ARHGAP11B: variants seen among roughly 807,000 people sequenced by gnomAD.
ARHGAP11B encodes inactive Rho GTPase-activating protein 11B.
A neutral mutation model predicts 27.6 loss-of-function variants in ARHGAP11B; 14 were observed. The observed-to-expected ratio is 0.51, with a 90% confidence interval of 0.34 to 0.79. The LOEUF (loss-of-function observed/expected upper bound fraction) is 0.79. Among genes scored for constraint, ARHGAP11B ranks in the 30% least tolerant of loss-of-function variants. The pLI is 0.02. For synonymous variants in ARHGAP11B, 82 were observed against 114.1 expected (o/e 0.72, Z 1.80); for missense variants, 245 against 320.1 (o/e 0.77, Z 1.79).
intron 7 of ARHGAP11B, chr15:30,644,565 G>C: frequency 1.2e-6 from 1 of 855,134 alleles, no homozygotes. Flanking sequence ...TTTATTATCT[G>C]ATATAAGGGA....
rs771494259 is a variant in ARHGAP11B, at chr15:30,626,774, G to C, written c.-47G>C. 16 of 1,573,904 alleles carry C rather than the reference G, an allele frequency of 1.0e-5. 1 individual carries two copies. In the South Asian group the frequency reaches 1.8e-4, roughly 18 times the overall value. The stretch of plus-strand genomic sequence containing the variant: ...GAAATTGGAAGACTTGGTGGCGAAC[G>C]AGGGTCAGGACCTGCATCCTGCCTC... On this transcript the variant is annotated 5_prime_UTR_variant, in exon 1 of 11. Coordinates refer to ENST00000428041, the Ensembl canonical transcript of ARHGAP11B.
intron 4 of ARHGAP11B, 37 bp downstream of exon 4, chr15:30,634,460 G>C (rs2060266292): frequency 2.5e-6 from 4 of 1,582,624 alleles, no homozygotes; most frequent in Middle Eastern, 3.4e-4. Context: ...AATAATAGTT[G>C]AATTTTTCAA....
At chr15:30,633,501 A>G in exon 3 of ARHGAP11B, 1 of 1,609,844 alleles carries the variant, frequency 6.2e-7, no homozygotes, top group African/African-American at 1.3e-5. Flanking sequence ...TTTCTTGTCG[A>G]TGCTTGCACA....
intron 6 of ARHGAP11B, among the ~76,000 whole-genome samples, chr15:30,638,537 T>C (rs2060295690): frequency 1.3e-5 from 2 of 151,920 alleles, no homozygotes; most frequent in African/African-American, 4.8e-5. Flanking sequence ...GTCTTTTTTA[T>C]TTTAGGGATA....
chr15:30,642,329 A>G (rs1177907106), intron 7 of ARHGAP11B, among the ~76,000 whole-genome samples: 2 of 152,014 alleles, frequency 1.3e-5, no homozygotes, highest in Non-Finnish European at 2.9e-5. Flanking sequence ...ATTGTTTACT[A>G]TAGTTGATTT....
At chr15:30,644,994 A>C (rs1454104062) in intron 8 of ARHGAP11B, among the ~76,000 whole-genome samples, 2 of 151,874 alleles carry the variant, frequency 1.3e-5, no homozygotes, top group African/African-American at 4.8e-5. Context: ...TTCCGTTCAT[A>C]GAGCTGGTTG....
At position 30,630,731 on chromosome 15, in the gene ARHGAP11B, C is replaced by T. The variant is rs1385571165; in HGVS notation, c.158C>T (p.Ala53Val). 4 of 1,611,250 alleles carry T rather than the reference C, an allele frequency of 2.5e-6. No individual in the cohort carries two copies. The highest frequency in any genetic ancestry group is 1.3e-5 in the African/African-American group (1 of 74,658). ...AAAATATTTGGAGTACCTTTTAATG[C>T]ACTGCCCCATTCTGCTGTACCAGAA... Residue 53 changes from alanine to valine, a missense_variant, in exon 2 of 11, where the codon GCA becomes GTA. Ala to Val is a moderately conservative substitution (Grantham distance 64). Around this residue, in one of 3 missense-constraint regions of ARHGAP11B, gnomAD observed 107 missense variants for 121.9 expected, o/e 0.88. Coordinates refer to ENST00000428041, the Ensembl canonical transcript of ARHGAP11B.
At chr15:30,639,678 A>T (rs189693636) in intron 7 of ARHGAP11B, among the ~76,000 whole-genome samples, 1 of 152,158 alleles carries the variant, frequency 6.6e-6, no homozygotes, top group African/African-American at 2.4e-5. Flanking sequence ...TTGCCATGCC[A>T]GTAGATTCTT....
At chr15:30,645,505 C>T (rs1386582720) in intron 8 of ARHGAP11B, among the ~76,000 whole-genome samples, 1 of 151,866 alleles carries the variant, frequency 6.6e-6, no homozygotes, top group Admixed American at 6.6e-5. Context: ...GAATTATTAC[C>T]TGGAAATACT....
intron 8 of ARHGAP11B, chr15:30,644,841 G>C: frequency 7.3e-6 from 6 of 816,932 alleles, no homozygotes; most frequent in Non-Finnish European, 1.2e-5. Flanking sequence ...TCTTGGGTCA[G>C]TGTTATGTGA....
chr15:30,634,064 G>A, intron 3 of ARHGAP11B, 106 bp from the exon 4 acceptor site: 2 of 1,275,946 alleles, frequency 1.6e-6, no homozygotes, highest in East Asian at 2.5e-5. Context: ...TAAGAGTTAA[G>A]AGAAATTTAT....
At chr15:30,632,661 T>A (rs1468004336) in intron 2 of ARHGAP11B, among the ~76,000 whole-genome samples, 1 of 151,016 alleles carries the variant, frequency 6.6e-6, no homozygotes, top group East Asian at 2.0e-4. Context: ...GTTCAATATC[T>A]AGGTATCTAA....
intron 6 of ARHGAP11B, among the ~76,000 whole-genome samples, chr15:30,637,689 G>A (rs991264582): frequency 4.0e-5 from 6 of 151,858 alleles, no homozygotes; most frequent in South Asian, 4.1e-4. Flanking sequence ...GGCTGAGATC[G>A]GGCCACTGCA....
Position 30,638,663 on chromosome 15 carries a change from A to G in ARHGAP11B, c.*4-83A>G, listed in dbSNP as rs1056453103. ...AAGCCGATGTAAAGTTACATGTTGA[A>G]AGAAGACCGCAAATATTAATATGAA... On this transcript the variant is annotated intron_variant, in intron 6 of 10. Coordinates refer to ENST00000428041, the Ensembl canonical transcript of ARHGAP11B. 1.1e-5 allele frequency: 9 copies of G among 831,880 alleles called. No homozygotes were observed. The African/African-American group carries it at 1.4e-4, about 13-fold the overall frequency. The allele number at this position is 831,880 out of a possible 1,614,324, so 51.5% of individuals were successfully genotyped here.
chr15:30,645,102 A>T (rs1368532342), intron 8 of ARHGAP11B, among the ~76,000 whole-genome samples: 1 of 151,782 alleles, frequency 6.6e-6, no homozygotes, highest in Non-Finnish European at 1.5e-5. Flanking sequence ...TGAGAACGGG[A>T]CTAGGTGGTT....
chr15:30,632,865 GA>G (rs1160235635), intron 2 of ARHGAP11B, among the ~76,000 whole-genome samples: 2 of 152,008 alleles, frequency 1.3e-5, no homozygotes, highest in African/African-American at 4.8e-5. Context: ...AGAGATAGTA[GA>G]TAAAAGAAGG....
Position 30,635,509 on chromosome 15 carries a change from G to A in ARHGAP11B, c.683G>A (p.Trp228Ter), listed in dbSNP as rs1208543053. 6.2e-7 allele frequency: 1 copy of A among 1,613,362 alleles called. No individual in the cohort carries two copies. The highest frequency in any genetic ancestry group is 8.5e-7 in the Non-Finnish European group (1 of 1,179,594). The change falls in exon 6 of 11, where the codon TGG (tryptophan) becomes TAG (stop). Residue 228 changes from tryptophan to a stop codon, truncating the protein, a stop_gained. Coordinates refer to ENST00000428041, the Ensembl canonical transcript of ARHGAP11B. LOFTEE classifies it high-confidence loss of function. ...TAGGGCGTGTACCAGACTTTATCCT[G>A]GAAAAGATACCAGCCATGTTGGGTA...
rs556654477 is a variant in ARHGAP11B at position 30,629,484 on chromosome 15, C to T, written c.130-1219C>T. On this transcript the variant is annotated intron_variant, in intron 1 of 10. Coordinates refer to ENST00000428041, the Ensembl canonical transcript of ARHGAP11B. ...CAGGAGAATGGGTGAACCCGGGAGG[C>T]GGAGCTTGCAGTGAGCCGAGATTGT... 6.3e-3 allele frequency among the ~76,000 whole-genome samples: 953 copies of T among 152,082 alleles called. 8 individuals are homozygous for T. Among genetic ancestry groups the T allele is most frequent in the Non-Finnish European group, 7.0e-3 (477 of 67,944 alleles).
chr15:30,629,504 G>C (rs959825022), intron 1 of ARHGAP11B, among the ~76,000 whole-genome samples: 1 of 152,036 alleles, frequency 6.6e-6, no homozygotes, highest in African/African-American at 2.4e-5. Flanking sequence ...AGTGAGCCGA[G>C]ATTGTGCCAC....
Sources: allele counts gnomAD v4.1 joint callset (sites outside exome capture counted in the v4.1 genomes callset), GRCh38; gene constraint gnomAD v4.1.1; regional missense constraint gnomAD v4.1.1; transcripts MANE v1.5; gene names NCBI Gene and HGNC (gene_info 2026-07-23, HGNC 2026-07-21).